SORCS3: variants seen among roughly 807,000 people sequenced by gnomAD.
The protein encoded by SORCS3 is sortilin related VPS10 domain containing receptor 3.
A neutral mutation model predicts 146.3 loss-of-function variants in SORCS3; 57 were observed. The ratio of observed to expected loss-of-function variants is 0.39; its 90% CI spans 0.31 to 0.49. SORCS3 has a LOEUF of 0.49. Among genes scored for constraint, SORCS3 ranks in the 20% least tolerant of loss-of-function variants. SORCS3 has a pLI of 0.92. For synonymous variants in SORCS3, 653 were observed against 618.5 expected, an observed-to-expected ratio of 1.06 and a Z score of -0.83; for missense variants, 1,341 against 1,575.5, an observed-to-expected ratio of 0.85 and a Z score of 2.52.
intron 20 of SORCS3, among the ~76,000 whole-genome samples, chr10:105,236,025 A>G (rs1410686992): frequency 6.6e-6 from 1 of 152,158 alleles, no homozygotes; most frequent in Non-Finnish European, 1.5e-5. Flanking sequence ...TAAAATATAG[A>G]GCAAGATTCA....
rs533765359 is a variant in SORCS3, at chr10:104,816,958, C to T, written c.628-25834C>T. Among the ~76,000 whole-genome samples the T allele has an allele frequency of 6.8e-4, 104 of 152,280 alleles. 1 individual carries two copies. The highest frequency in any genetic ancestry group is 2.1e-3 in the South Asian group (10 of 4,826). Reference sequence around the variant, plus strand: ...TTGGAGGGAGGCCAAGCCTTCAGCCCGGGCACCCAAGAATTCACCATGCCC... The same window carrying T: ...TTGGAGGGAGGCCAAGCCTTCAGCCTGGGCACCCAAGAATTCACCATGCCC... On this transcript the variant is annotated intron_variant, in intron 1 of 26. Transcript: ENST00000369701.
intron 1 of SORCS3, among the ~76,000 whole-genome samples, chr10:104,793,744 T>A (rs972224310): frequency 2.0e-5 from 3 of 152,180 alleles, no homozygotes; most frequent in African/African-American, 4.8e-5. Context: ...AGAATGAGTA[T>A]AATTTTGACA....
chr10:104,690,741 G>A (rs2016101147), intron 1 of SORCS3, among the ~76,000 whole-genome samples: 1 of 152,124 alleles, frequency 6.6e-6, no homozygotes, highest in South Asian at 2.1e-4. Context: ...CAGGATAGTG[G>A]ACAACAGGCA....
At chr10:105,259,709 T>A (rs2056949894) in intron 25 of SORCS3, among the ~76,000 whole-genome samples, 1 of 152,204 alleles carries the variant, frequency 6.6e-6, no homozygotes, top group African/African-American at 2.4e-5. Flanking sequence ...CATTTGAGCT[T>A]CTATATTCCT....
chr10:105,097,336 C>A (rs1463698552), intron 6 of SORCS3, among the ~76,000 whole-genome samples: 1 of 152,194 alleles, frequency 6.6e-6, no homozygotes, highest in African/African-American at 2.4e-5. Context: ...TGCGAATAAT[C>A]CTATTTCTGT....
At position 105,263,682 on chromosome 10, in the gene SORCS3, A is replaced by T; in HGVS notation, c.*308A>T. The T allele has an allele frequency of 3.3e-6, 1 of 302,160 alleles. No homozygotes were observed. The highest frequency in any genetic ancestry group is 6.3e-6 in the Non-Finnish European group (1 of 159,324). The allele number at this position is 302,160 out of a possible 1,614,324, so 18.7% of individuals were successfully genotyped here. ...TTCCTTGTGGTCTCCCTTTTTTCAAAATTGAAGTTGGGTTGGCTCTTTGTG... is the reference window on the plus strand; with the variant it reads ...TTCCTTGTGGTCTCCCTTTTTTCAATATTGAAGTTGGGTTGGCTCTTTGTG... On this transcript the variant is annotated 3_prime_UTR_variant, in exon 27 of 27. Coordinates refer to ENST00000369701, the MANE Select transcript of SORCS3 (RefSeq NM_014978.3).
chr10:105,147,480 A>G (rs10160134), intron 8 of SORCS3, 137 bp from the exon 9 acceptor site: 302,718 of 632,064 alleles, frequency 0.48, 76,209 homozygotes, highest in Admixed American at 0.54. Flanking sequence ...GCCTTGGTTC[A>G]ACATGGAATT....
intron 2 of SORCS3, among the ~76,000 whole-genome samples, chr10:104,906,775 C>T (rs1381790363): frequency 1.3e-5 from 2 of 152,148 alleles, no homozygotes; most frequent in Non-Finnish European, 1.5e-5. Flanking sequence ...AACATTGTGA[C>T]TGTTTGGTAA....
At chr10:104,804,081 G>A (rs930698223) in intron 1 of SORCS3, among the ~76,000 whole-genome samples, 8 of 152,096 alleles carry the variant, frequency 5.3e-5, no homozygotes, top group Admixed American at 2.0e-4. Context: ...TGGCATAAAC[G>A]GTTCTATTAT....
intron 3 of SORCS3, among the ~76,000 whole-genome samples, chr10:104,974,214 C>T (rs2054879639): frequency 6.6e-6 from 1 of 152,092 alleles, no homozygotes; most frequent in Non-Finnish European, 1.5e-5. Context: ...ATTAGGTCTG[C>T]TTGGTGCAGA....
intron 20 of SORCS3, among the ~76,000 whole-genome samples, chr10:105,242,366 AT>A (rs2056830114): frequency 8.2e-6 from 1 of 122,292 alleles, no homozygotes; most frequent in Non-Finnish European, 1.6e-5. Flanking sequence ...ATTTATATAT[AT>A]TTATACATAT....
chr10:105,241,853 A>T (rs1460644011), intron 20 of SORCS3, among the ~76,000 whole-genome samples: 3 of 152,152 alleles, frequency 2.0e-5, no homozygotes, highest in Admixed American at 2.0e-4. Flanking sequence ...TCAAGTGAAG[A>T]CACCATTCAA....
chr10:105,179,763 G>T (rs185006826), intron 14 of SORCS3, among the ~76,000 whole-genome samples: 6 of 152,320 alleles, frequency 3.9e-5, no homozygotes, highest in African/African-American at 1.2e-4. Context: ...GCCTACTAGG[G>T]TTGCCCAGTT....
At chr10:104,975,303 A>G (rs1219015876) in intron 3 of SORCS3, among the ~76,000 whole-genome samples, 2 of 152,150 alleles carry the variant, frequency 1.3e-5, no homozygotes, top group African/African-American at 4.8e-5. Context: ...GTGAACTCCC[A>G]TTCACAATTG....
At chr10:104,755,204 G>T (rs2017036020) in intron 1 of SORCS3, among the ~76,000 whole-genome samples, 2 of 152,108 alleles carry the variant, frequency 1.3e-5, no homozygotes, top group Admixed American at 1.3e-4. Flanking sequence ...CCAATGATTT[G>T]GTACATTCAT....
At chr10:104,933,584 GAA>G in intron 3 of SORCS3, among the ~76,000 whole-genome samples, 1 of 152,278 alleles carries the variant, frequency 6.6e-6, no homozygotes, top group Middle Eastern at 3.4e-3. Context: ...TAGGAAGGTA[GAA>G]AGAGGTGCAT....
chr10:104,643,745 T>TGTGTGTGTG (rs1554841272), intron 1 of SORCS3, among the ~76,000 whole-genome samples: 10 of 147,560 alleles, frequency 6.8e-5, no homozygotes, highest in African/African-American at 1.0e-4. Flanking sequence ...TGTGTGTGTG[T>TGTGTGTGTG]TGGGGTTCTT....
chr10:105,220,792 G>A (rs1358185788), intron 19 of SORCS3, among the ~76,000 whole-genome samples: 2 of 151,998 alleles, frequency 1.3e-5, no homozygotes, highest in Non-Finnish European at 2.9e-5. Context: ...CATAGATTAG[G>A]TAAACTCCTA....
intron 3 of SORCS3, among the ~76,000 whole-genome samples, chr10:104,916,871 A>G (rs1331885630): frequency 1.3e-5 from 2 of 152,206 alleles, no homozygotes; most frequent in Non-Finnish European, 2.9e-5. Flanking sequence ...AGCAAGCTTC[A>G]AACCATTGTG....
Sources: allele counts gnomAD v4.1 joint callset (sites outside exome capture counted in the v4.1 genomes callset), GRCh38; gene constraint gnomAD v4.1.1; transcripts MANE v1.5; gene names NCBI Gene and HGNC (gene_info 2026-07-23, HGNC 2026-07-21).